The following TBC1D5 variants were observed in gnomAD, a reference collection of about 807,000 sequenced individuals.
TBC1D5 encodes the protein TBC1 domain family member 5.
A neutral mutation model predicts 100.3 loss-of-function variants in TBC1D5; 75 were observed. The observed-to-expected ratio is 0.75, with a 90% CI of 0.62 to 0.91. The LOEUF (loss-of-function observed/expected upper bound fraction) is 0.91. Ranked by LOEUF, TBC1D5 falls within the 40% of genes least tolerant of loss-of-function variation. The pLI, the probability that TBC1D5 is intolerant of heterozygous loss-of-function variation, is 0.00. For synonymous variants in TBC1D5, 323 were observed against 325.6 expected, an observed-to-expected ratio of 0.99 and a Z score of 0.09; for missense variants, 910 against 942.4, an observed-to-expected ratio of 0.97 and a Z score of 0.45.
intron 1 of TBC1D5, among the ~76,000 whole-genome samples, chr3:17,710,758 C>T (rs939716500): frequency 1.3e-5 from 2 of 152,040 alleles, no homozygotes; most frequent in East Asian, 1.9e-4. Context: ...TGTGCAGTGG[C>T]GCAATCTCGG....
chr3:17,369,533 G>A (rs533897416), intron 13 of TBC1D5, among the ~76,000 whole-genome samples: 1 of 152,062 alleles, frequency 6.6e-6, no homozygotes, highest in Non-Finnish European at 1.5e-5. Context: ...GTTATTATTA[G>A]AGATGGGGGT....
At chr3:17,255,613 C>G (rs1426334676) in intron 16 of TBC1D5, among the ~76,000 whole-genome samples, 1 of 152,186 alleles carries the variant, frequency 6.6e-6, no homozygotes, top group Non-Finnish European at 1.5e-5. Context: ...TCTTTTGATT[C>G]AGTTTATTTT....
chr3:17,429,983 T>C lies in TBC1D5; in HGVS notation c.98-1464A>G, dbSNP rs185850846. Among the ~76,000 whole-genome samples the C allele has an allele frequency of 6.6e-5, 10 of 151,950 alleles. No individual in the cohort carries two copies. In the East Asian group the frequency reaches 7.7e-4, roughly 12 times the overall value. ...AACACTTAAAAATGGTGACAATTTA[T>C]AGAAGAAAATAATCCAAAAACATAT... On this transcript the variant is annotated intron_variant, in intron 3 of 21. Transcript: ENST00000253692.
intron 15 of TBC1D5, among the ~76,000 whole-genome samples, chr3:17,277,788 CTCCA>C (rs2080176702): frequency 1.3e-5 from 2 of 152,184 alleles, no homozygotes; most frequent in African/African-American, 4.8e-5. Flanking sequence ...AGACAGATAG[CTCCA>C]AAGTGGGAAC....
intron 1 of TBC1D5, among the ~76,000 whole-genome samples, chr3:17,705,392 A>T (rs1433820085): frequency 3.1e-5 from 4 of 130,040 alleles, no homozygotes; most frequent in South Asian, 2.9e-4. Context: ...CCGGGCGGAG[A>T]TGCTCCTCAC....
intron 17 of TBC1D5, among the ~76,000 whole-genome samples, chr3:17,237,624 T>C (rs2075963757): frequency 6.6e-6 from 1 of 152,238 alleles, no homozygotes; most frequent in Non-Finnish European, 1.5e-5. Flanking sequence ...CTAACTTTTA[T>C]TTTATGGACT....
intron 2 of TBC1D5, among the ~76,000 whole-genome samples, chr3:17,597,922 T>C (rs1424224387): frequency 6.6e-6 from 1 of 152,186 alleles, no homozygotes; most frequent in East Asian, 1.9e-4. Flanking sequence ...CTTCTATATA[T>C]CCTGGTTCCA....
At chr3:17,439,252 A>G (rs1353404505) in intron 3 of TBC1D5, among the ~76,000 whole-genome samples, 1 of 152,168 alleles carries the variant, frequency 6.6e-6, no homozygotes, top group Non-Finnish European at 1.5e-5. Flanking sequence ...GATATGTCCC[A>G]TTTTAGAGCC....
intron 3 of TBC1D5, among the ~76,000 whole-genome samples, chr3:17,485,095 C>T (rs1028352375): frequency 5.9e-5 from 9 of 151,880 alleles, no homozygotes; most frequent in African/African-American, 2.2e-4. Flanking sequence ...ATACAACTGT[C>T]TAATAATGAA....
At chr3:17,215,505 C>T (rs570198601) in intron 17 of TBC1D5, among the ~76,000 whole-genome samples, 13 of 152,160 alleles carry the variant, frequency 8.5e-5, no homozygotes, top group Non-Finnish European at 1.5e-4. Flanking sequence ...AGTTTTAGAC[C>T]TGCTGAGTCT....
intron 17 of TBC1D5, among the ~76,000 whole-genome samples, chr3:17,228,674 A>T (rs933187419): frequency 8.6e-5 from 13 of 151,222 alleles, no homozygotes; most frequent in Admixed American, 4.6e-4. Flanking sequence ...TGTGAGCTAC[A>T]TCTGCAGAGA....
chr3:17,284,369 C>A (rs1285067380), intron 15 of TBC1D5, among the ~76,000 whole-genome samples: 2 of 152,174 alleles, frequency 1.3e-5, no homozygotes, highest in Non-Finnish European at 2.9e-5. Flanking sequence ...CCGCCTGCCT[C>A]TGCCTTCCAA....
At chr3:17,163,047 A>C (rs978819596) in intron 21 of TBC1D5, among the ~76,000 whole-genome samples, 9 of 152,200 alleles carry the variant, frequency 5.9e-5, no homozygotes, top group Non-Finnish European at 1.3e-4. Flanking sequence ...TACTGAGATC[A>C]CTTATTCTCC....
chr3:17,677,053 A>G (rs1476365717), intron 1 of TBC1D5, among the ~76,000 whole-genome samples: 1 of 152,170 alleles, frequency 6.6e-6, no homozygotes, highest in Non-Finnish European at 1.5e-5. Context: ...AAAACCCTAG[A>G]AGAAAACCTA....
intron 9 of TBC1D5, among the ~76,000 whole-genome samples, chr3:17,381,006 T>A (rs2092923245): frequency 6.6e-6 from 1 of 152,096 alleles, no homozygotes; most frequent in Non-Finnish European, 1.5e-5. Context: ...TGGCTAAATA[T>A]TCAGTCCTTC....
intron 1 of TBC1D5, among the ~76,000 whole-genome samples, chr3:17,712,419 T>C (rs2074829281): frequency 6.6e-6 from 1 of 152,166 alleles, no homozygotes; most frequent in Non-Finnish European, 1.5e-5. Context: ...TCATTTTGTT[T>C]CCCACATGCC....
intron 15 of TBC1D5, among the ~76,000 whole-genome samples, chr3:17,279,770 A>C (rs1443407358): frequency 1.3e-5 from 2 of 152,220 alleles, no homozygotes; most frequent in East Asian, 3.8e-4. Context: ...TCTGGGTCCT[A>C]TCACAGATCT....
intron 3 of TBC1D5, among the ~76,000 whole-genome samples, chr3:17,471,419 A>C (rs1032602903): frequency 2.0e-5 from 3 of 152,166 alleles, no homozygotes; most frequent in Non-Finnish European, 4.4e-5. Flanking sequence ...TAAACTAAAA[A>C]ACAGATTTTA....
chr3:17,265,996 A>T (rs1034359854), intron 15 of TBC1D5, among the ~76,000 whole-genome samples: 1 of 152,172 alleles, frequency 6.6e-6, no homozygotes, highest in African/African-American at 2.4e-5. Flanking sequence ...TTATTTAAAC[A>T]AATATTCCTA....
Sources: gnomAD v4.1 joint callset for allele counts (sites outside exome capture counted in the v4.1 genomes callset) on GRCh38, gnomAD v4.1.1 for gene constraint, MANE v1.5 for transcripts, NCBI Gene and HGNC (gene_info 2026-07-23, HGNC 2026-07-21) for gene names.